POLR3E: variants seen among roughly 807,000 people sequenced by gnomAD.
POLR3E encodes DNA-directed RNA polymerase III subunit RPC5.
Under a neutral mutation model 96.6 loss-of-function variants are expected in POLR3E, and 41 were observed. That is an observed-to-expected ratio of 0.42 (90% CI 0.33 to 0.55). The LOEUF is 0.55. POLR3E is among the 20% of genes least tolerant of loss of function. The probability of loss-of-function intolerance (pLI) is 0.06; values close to 1 mark genes in which losing one functional copy is unlikely to be tolerated. For missense variants in POLR3E, 849 were observed against 952.1 expected, an observed-to-expected ratio of 0.89 and a Z score of 1.43; for synonymous variants, 396 against 383.6, an observed-to-expected ratio of 1.03 and a Z score of -0.38.
intron 3 of POLR3E, 46 bp from the exon 4 acceptor site, chr16:22,308,102 G>T (rs1394181939): frequency 7.0e-7 from 1 of 1,434,900 alleles, no homozygotes; most frequent in Non-Finnish European, 9.8e-7. Context: ...CCAGCTCTGG[G>T]CATGGCTGGG....
rs962409354 is a variant in POLR3E, at chr16:22,318,372, G to A, written c.866-454G>A. ...GCCTCCCAAAGTGCTGTGATTACAG[G>A]TGTGAGCCAAAGCGCCCAGCCAAAT... On this transcript the variant is annotated intron_variant, in intron 12 of 20. Transcript: ENST00000299853. This position sits in a 1 kb window ranked among gnomAD's most constrained non-coding sequence, Gnocchi z 5.0. Among the ~76,000 whole-genome samples the A allele has an allele frequency of 6.6e-5, 10 of 152,212 alleles. No homozygotes were observed. Among genetic ancestry groups the A allele is most frequent in the African/African-American group, 2.4e-4 (10 of 41,466 alleles).
In POLR3E at chr16:22,335,093, G is replaced by A. The variant is rs1344253549; in HGVS notation, c.*1393G>A. On this transcript the variant is annotated 3_prime_UTR_variant, in exon 21 of 21. Transcript: ENST00000299853. ...AACCTGAAAAGTAAAGTTACCAAAA[G>A]CGATTTGGAATATGTCTCAGCTTTT... 6.6e-6 allele frequency: 1 copy of A among 152,192 alleles called. No homozygotes were observed. Among genetic ancestry groups the A allele is most frequent in the Non-Finnish European group, 1.5e-5 (1 of 68,038 alleles). The allele number at this position is 152,192 out of a possible 1,614,324, so 9.4% of individuals were successfully genotyped here.
At chr16:22,303,028 G>C (rs367565578) in intron 2 of POLR3E, 24 bp downstream of exon 2, 1 of 1,610,516 alleles carries the variant, frequency 6.2e-7, no homozygotes, top group Non-Finnish European at 8.5e-7. Flanking sequence ...TCTGTCCCCT[G>C]CCGCCGGGGC....
intron 13 of POLR3E, among the ~76,000 whole-genome samples, chr16:22,320,100 C>A (rs2048438919): frequency 6.6e-6 from 1 of 152,014 alleles, no homozygotes; most frequent in Non-Finnish European, 1.5e-5. Flanking sequence ...TGCTTTTTAC[C>A]CCATTCCAAT....
chr16:22,328,610 C>A, intron 19 of POLR3E, 23 bp downstream of exon 19: 1 of 1,603,388 alleles, frequency 6.2e-7, no homozygotes, highest in Non-Finnish European at 8.5e-7. Flanking sequence ...TTGCTGCCAT[C>A]TTCCCGAAGA....
At chr16:22,305,911 A>G (rs376123271) in intron 3 of POLR3E, among the ~76,000 whole-genome samples, 1 of 152,188 alleles carries the variant, frequency 6.6e-6, no homozygotes, top group African/African-American at 2.4e-5. Context: ...TTGAGATAGA[A>G]TTTACACACC....
rs371107234 is a variant in POLR3E at position 22,308,157 on chromosome 16, C to T, written c.97C>T (p.Arg33Cys). Residue 33 changes from arginine to cysteine, a missense_variant, in exon 4 of 21, where the codon CGT becomes TGT. Physicochemically the swap from Arg to Cys is radical, Grantham distance 180 (BLOSUM62 -3). Coordinates refer to ENST00000299853, the MANE Select transcript of POLR3E (RefSeq NM_018119.4). The stretch of plus-strand genomic sequence containing the variant: ...CCCTTCCCCTCCCCAGTACCCTGTG[C>T]GTCCAGCCTCGATGACCTACGATGA... ...EKLYLFQYPV[R>C]PASMTYDDIP... 3.7e-6 allele frequency: 6 copies of T among 1,612,876 alleles called. No homozygotes were observed. The highest frequency in any genetic ancestry group is 1.7e-5 in the Admixed American group (1 of 59,984).
At position 22,333,793 on chromosome 16, in the gene POLR3E, A is replaced by G; in HGVS notation, c.*93A>G. 3 of 848,570 alleles carry G rather than the reference A, an allele frequency of 3.5e-6. No individual in the cohort carries two copies. Among genetic ancestry groups the G allele is most frequent in the Non-Finnish European group, 6.1e-6 (3 of 489,848 alleles). The allele number at this position is 848,570 out of a possible 1,614,324, so 52.6% of individuals were successfully genotyped here. ...CCTCGACTTGCTTCAGACGACACAGAGCAAGAGGAACTGACCATCTCATGA... is the reference window on the plus strand; with the variant it reads ...CCTCGACTTGCTTCAGACGACACAGGGCAAGAGGAACTGACCATCTCATGA... On this transcript the variant is annotated 3_prime_UTR_variant, in exon 21 of 21. Transcript: ENST00000299853.
At chr16:22,304,394 G>A (rs1410603601) in intron 2 of POLR3E, among the ~76,000 whole-genome samples, 1 of 152,202 alleles carries the variant, frequency 6.6e-6, no homozygotes, top group Non-Finnish European at 1.5e-5. Flanking sequence ...AGTAGCAGGA[G>A]TTACAACAGG....
Position 22,303,639 on chromosome 16 carries a change from C to CTTTTTT in POLR3E, c.36+648_36+653dup, listed in dbSNP as rs58949663. 1.0e-3 allele frequency among the ~76,000 whole-genome samples: 115 copies of CTTTTTT among 114,218 alleles called. 9 individuals carry two copies. The highest frequency in any genetic ancestry group is 4.5e-3 in the African/African-American group (93 of 20,800). The allele number at this position is 114,218 out of a possible 152,430, so 74.9% of individuals were successfully genotyped here. On this transcript the variant is annotated intron_variant, in intron 2 of 20. Coordinates refer to ENST00000299853, the MANE Select transcript of POLR3E (RefSeq NM_018119.4). The stretch of plus-strand genomic sequence containing the variant: ...TACAGGCAGTGGGAGGCAGATTTCC[C>CTTTTTT]TTTTTTTTTTTTTTTTTTGGAGACA...
chr16:22,299,898 G>T (rs539542351), intron 1 of POLR3E, among the ~76,000 whole-genome samples: 79 of 132,426 alleles, frequency 6.0e-4, no homozygotes, highest in African/African-American at 2.3e-3. Context: ...AGACCGGGGG[G>T]CGGGGGGCGC....
Position 22,308,918 on chromosome 16 carries a change from C to T in POLR3E, c.166-7C>T, listed in dbSNP as rs367906775. ...TCATAGCTGGTGGGGGTGCTTGGTGCCTCCAGGTAGAGCTTGAGATGGCCA... is the reference window on the plus strand; with the variant it reads ...TCATAGCTGGTGGGGGTGCTTGGTGTCTCCAGGTAGAGCTTGAGATGGCCA... On this transcript the variant is annotated splice_polypyrimidine_tract_variant and splice_region_variant and intron_variant, in intron 4 of 20. Transcript: ENST00000299853. 91 of 1,600,280 alleles carry T rather than the reference C, an allele frequency of 5.7e-5. No individual in the cohort carries two copies. In the African/African-American group the frequency reaches 1.1e-3, roughly 19 times the overall value.
chr16:22,311,503 T>A (rs1253287290), intron 6 of POLR3E, among the ~76,000 whole-genome samples: 2 of 141,490 alleles, frequency 1.4e-5, no homozygotes, highest in Admixed American at 6.9e-5. Context: ...GTTTTGGGGT[T>A]TTTTTTTTGG....
intron 4 of POLR3E, 62 bp downstream of exon 4, chr16:22,308,287 T>C: frequency 7.7e-7 from 1 of 1,304,494 alleles, no homozygotes. Context: ...TGGGAGCTGG[T>C]GGAGGCGAGA....
At position 22,318,945 on chromosome 16, in the gene POLR3E, A is replaced by G; in HGVS notation, c.985A>G (p.Ser329Gly). The G allele has an allele frequency of 1.3e-6, 2 of 1,582,490 alleles. No individual in the cohort carries two copies. Among genetic ancestry groups the G allele is most frequent in the Non-Finnish European group, 8.6e-7 (1 of 1,169,484 alleles). Residue 329 changes from serine to glycine, a missense_variant and splice_region_variant, in exon 13 of 21, where the codon AGT (serine) becomes GGT (glycine). Coordinates refer to ENST00000299853, the MANE Select transcript of POLR3E (RefSeq NM_018119.4). This position sits in a 1 kb window ranked among gnomAD's most constrained non-coding sequence, Gnocchi z 5.0. ...MLVQGNWVVKSDILYPKDSSS... is the reference protein window; with the variant it reads ...MLVQGNWVVKGDILYPKDSSS... ...GGTCCAAGGGAACTGGGTGGTGAAG[A>G]GGTAAGTTGCTTTTTTTATTTTTTA...
Position 22,315,210 on chromosome 16 carries a change from T to G in POLR3E, c.642+2T>G. ...CACCTGCATTACTATGGCCTGAGGG[T>G]GAGCGGGGCTTCGTGGGGTCCTGGG... is the stretch of plus-strand genomic sequence containing the variant. On this transcript the variant is annotated splice_donor_variant, in intron 9 of 20. Transcript: ENST00000299853. LOFTEE classifies it high-confidence loss of function. The G allele has an allele frequency of 6.3e-7, 1 of 1,584,140 alleles. No individual in the cohort carries two copies. The highest frequency in any genetic ancestry group is 1.1e-5 in the South Asian group (1 of 87,326).
chr16:22,332,137 A>G lies in POLR3E; in HGVS notation c.2022A>G (p.Gln674=), dbSNP rs750004662. The G allele has an allele frequency of 9.9e-6, 16 of 1,613,614 alleles. No individual in the cohort carries two copies. The highest frequency in any genetic ancestry group is 1.6e-4 in the Middle Eastern group (1 of 6,084). Residue 674 remains glutamine (Q), a synonymous_variant, in exon 20 of 21, where the codon CAA becomes CAG. Transcript: ENST00000299853. ...ACATGATCCAGTCTCGGTTGACTCA[A>G]GAGTGTGGAGAAGATCTCAGTAAAC... ...RRNMIQSRLT[Q]ECGEDLSKQE...
Position 22,332,074 on chromosome 16 carries a change from G to A in POLR3E, c.1959G>A (p.Leu653=), listed in dbSNP as rs772513789. 1.6e-5 allele frequency: 26 copies of A among 1,613,622 alleles called. No homozygotes were observed. Among genetic ancestry groups the A allele is most frequent in the Non-Finnish European group, 2.1e-5 (25 of 1,179,768 alleles). The change falls in exon 20 of 21, where the codon TTG becomes TTA. Residue 653 remains leucine, a synonymous_variant. Coordinates refer to ENST00000299853, the MANE Select transcript of POLR3E (RefSeq NM_018119.4). ...TGCTACTAAAGCATCGACAGGTTTT[G>A]CTTGAAATTTTTTCCAAAAATTACC... ...GDMSDQHRQV[L]LEIFSKNYRV...
chr16:22,307,170 C>T (rs2048150913), intron 3 of POLR3E, among the ~76,000 whole-genome samples: 1 of 152,146 alleles, frequency 6.6e-6, no homozygotes, highest in Admixed American at 6.5e-5. Context: ...GGCGAGGTGC[C>T]TGCCTGAGTC....
Sources: gnomAD v4.1 joint callset for allele counts (sites outside exome capture counted in the v4.1 genomes callset) on GRCh38, gnomAD v4.1.1 for gene constraint, Gnocchi (gnomAD v3.1) non-coding constraint, MANE v1.5 for transcripts, NCBI Gene and HGNC (gene_info 2026-07-23, HGNC 2026-07-21) for gene names.